The following WBP11 variants were observed in gnomAD, a reference collection of about 807,000 sequenced individuals.
The protein encoded by WBP11 is WW domain-binding protein 11.
WBP11 carries 12 observed loss-of-function variants against 66.7 expected under a neutral mutation model. That is an observed-to-expected ratio of 0.18 (90% CI 0.12 to 0.29). The LOEUF is 0.29. Among genes scored for constraint, WBP11 ranks in the 10% least tolerant of loss-of-function variants. The pLI is 1.00. For missense variants in WBP11, 555 were observed against 818.3 expected, an observed-to-expected ratio of 0.68 and a Z score of 3.93; for synonymous variants, 255 against 273.8, an observed-to-expected ratio of 0.93 and a Z score of 0.68.
chr12:14,787,700 G>A (rs944512544), intron 11 of WBP11, among the ~76,000 whole-genome samples: 7 of 152,256 alleles, frequency 4.6e-5, no homozygotes, highest in African/African-American at 1.7e-4. Context: ...CTATATTCCT[G>A]TACTTACAGT....
chr12:14,800,620 C>T, intron 3 of WBP11, 132 bp downstream of exon 3: 1 of 865,358 alleles, frequency 1.2e-6, no homozygotes, highest in East Asian at 2.8e-5. Context: ...GTATATCTTA[C>T]AGTTTTTATA....
Position 14,797,286 on chromosome 12 carries a change from T to C in WBP11, c.191-283A>G, listed in dbSNP as rs1396166801. On this transcript the variant is annotated intron_variant, in intron 4 of 11. Transcript: ENST00000261167. ...TCACTGCTCTGTGCTGAAAACCTCG[T>C]GAAGATTCTGTCAGATTTGTGTTTA... 1.3e-5 allele frequency among the ~76,000 whole-genome samples: 2 copies of C among 152,216 alleles called. 1 individual carries two copies. Among genetic ancestry groups the C allele is most frequent in the East Asian group, 3.8e-4 (2 of 5,196 alleles).
At chr12:14,802,235 T>C (rs1229059099) in intron 1 of WBP11, among the ~76,000 whole-genome samples, 1 of 152,234 alleles carries the variant, frequency 6.6e-6, no homozygotes, top group African/African-American at 2.4e-5. Flanking sequence ...ACATGACTTC[T>C]TCCTCTTATT....
chr12:14,790,422 A>C, intron 10 of WBP11, 34 bp downstream of exon 10: 2 of 1,602,022 alleles, frequency 1.2e-6, no homozygotes, highest in Non-Finnish European at 1.7e-6. Context: ...TTCTAACCTC[A>C]TTTAAACTTT....
Position 14,794,588 on chromosome 12 carries a change from C to A in WBP11, c.670G>T (p.Asp224Tyr). Reference sequence around the variant, plus strand: ...TCATCTCGCCTACGAGGGGGAAGATCTAGGGCAAAACCCACTTTACGGCCA... The same window carrying A: ...TCATCTCGCCTACGAGGGGGAAGATATAGGGCAAAACCCACTTTACGGCCA... ...MYGRKVGFAL[D>Y]LPPRRRDEDM... is the part of the protein sequence containing the mutation. The change falls in exon 7 of 12, where the codon GAT (aspartate) becomes TAT (tyrosine). Residue 224 changes from aspartate to tyrosine, a missense_variant. Asp to Tyr is a radical substitution (Grantham distance 160). Around this residue, in one of 6 missense-constraint regions of WBP11, gnomAD observed 220 missense variants for 268.2 expected, o/e 0.82. Transcript: ENST00000261167. 1 of 1,614,036 alleles carries A rather than the reference C, an allele frequency of 6.2e-7. No homozygotes were observed. Among genetic ancestry groups the A allele is most frequent in the Non-Finnish European group, 8.5e-7 (1 of 1,180,004 alleles).
In WBP11 at chr12:14,787,111, T is replaced by C; in HGVS notation, c.1880A>G (p.Asp627Gly). Residue 627 changes from aspartate (D) to glycine (G), a missense_variant, in exon 12 of 12, where the codon GAT becomes GGT. This residue lies in a region of WBP11 where 50 missense variants were observed against 68.3 expected (regional missense o/e 0.73). Coordinates refer to ENST00000261167, the MANE Select transcript of WBP11 (RefSeq NM_016312.3). ...PSVPVSVQTK[D>G]DVYEAFMKEM... is the part of the protein sequence containing the mutation. ...TTTCATGAAAGCCTCATAGACATCA[T>C]CCTTAGTTTGTACTGAGACAGGAAC... 6.2e-7 allele frequency: 1 copy of C among 1,613,690 alleles called. No homozygotes were observed.
At position 14,793,810 on chromosome 12, in the gene WBP11, T is replaced by A; in HGVS notation, c.834A>T (p.Lys278Asn). The change falls in exon 8 of 12, where the codon AAA (lysine) becomes AAT (asparagine). Residue 278 changes from lysine (K) to asparagine (N), a missense_variant. By Grantham distance (94) the Lys-to-Asn change is moderately conservative. Coordinates refer to ENST00000261167, the MANE Select transcript of WBP11 (RefSeq NM_016312.3). ...CATCCCCGTCACTTTCTCCATCTGA[T>A]TTGTCGGTGTCACTGTCATCAGTAC... ...DDSTDDSDTD[K>N]SDGESDGDEF... is the part of the protein sequence containing the mutation. The A allele has an allele frequency of 6.2e-7, 1 of 1,614,128 alleles. No homozygotes were observed.
At position 14,787,172 on chromosome 12, in the gene WBP11, G is replaced by A. The variant is rs1565670714; in HGVS notation, c.1819C>T (p.Pro607Ser). ...QRKSEDDSAV[P>S]LAKAAPKSGP... ...GATTTGGGTGCTGCTTTGGCAAGAG[G>A]CACAGCAGAATCATCCTCTGACTTT... Residue 607 changes from proline to serine, a missense_variant, in exon 12 of 12, where the codon CCT becomes TCT. Physicochemically the swap from Pro to Ser is moderately conservative, Grantham distance 74 (BLOSUM62 -1). This residue lies in a region of WBP11 where 50 missense variants were observed against 68.3 expected (regional missense o/e 0.73). Transcript: ENST00000261167. 2.5e-6 allele frequency: 4 copies of A among 1,613,834 alleles called. No individual in the cohort carries two copies. The highest frequency in any genetic ancestry group is 2.5e-6 in the Non-Finnish European group (3 of 1,180,030).
At position 14,786,908 on chromosome 12, in the gene WBP11, G is replaced by C; in HGVS notation, c.*157C>G. 2 of 773,644 alleles carry C rather than the reference G, an allele frequency of 2.6e-6. No homozygotes were observed. The highest frequency in any genetic ancestry group is 4.0e-6 in the Non-Finnish European group (2 of 497,764). The allele number at this position is 773,644 out of a possible 1,614,324, so 47.9% of individuals were successfully genotyped here. A position where few individuals can be genotyped will look rare whatever the true frequency, so the allele number is the denominator to read the frequency against. ...GATGAAATACCCTTTTTTATGTGCA[G>C]TAAATTCTGAACAAGGCTAAATTTT... On this transcript the variant is annotated 3_prime_UTR_variant, in exon 12 of 12. Coordinates refer to ENST00000261167, the MANE Select transcript of WBP11 (RefSeq NM_016312.3).
intron 5 of WBP11, among the ~76,000 whole-genome samples, chr12:14,795,712 A>G (rs996102577): frequency 2.6e-5 from 4 of 152,240 alleles, no homozygotes. Context: ...CTTGGGCAAC[A>G]GAGTGAGACT....
At chr12:14,801,722 A>AT (rs1949966029) in intron 1 of WBP11, among the ~76,000 whole-genome samples, 1 of 152,230 alleles carries the variant, frequency 6.6e-6, no homozygotes, top group African/African-American at 2.4e-5. Context: ...TTGTCAACTG[A>AT]TAAAAACAAC....
chr12:14,797,445 C>T (rs761607245), intron 4 of WBP11, among the ~76,000 whole-genome samples: 2 of 152,292 alleles, frequency 1.3e-5, no homozygotes, highest in East Asian at 1.9e-4. Flanking sequence ...AATGGGATTA[C>T]AAATAAAATA....
At chr12:14,802,095 GAC>G (rs1034287160) in intron 1 of WBP11, 1 of 152,090 alleles carries the variant, frequency 6.6e-6, no homozygotes, top group Non-Finnish European at 1.5e-5. Context: ...TAAATATTAA[GAC>G]ACATATTTTT....
rs1484231707 is a variant in WBP11 at position 14,790,629 on chromosome 12, T to C, written c.1136A>G (p.His379Arg). Residue 379 changes from histidine (H) to arginine (R), a missense_variant, in exon 10 of 12, where the codon CAT (histidine) becomes CGT (arginine). Transcript: ENST00000261167. Reference protein sequence around the residue: ...QSQKQHKEESHSDGTSTASSQ... With the variant: ...QSQKQHKEESRSDGTSTASSQ... ...AGAAGCAGTGGATGTGCCATCAGAA[T>C]GGGATTCCTCTTTATGCTGCTTTTG... 6.2e-7 allele frequency: 1 copy of C among 1,614,002 alleles called. No individual in the cohort carries two copies. The highest frequency in any genetic ancestry group is 1.3e-5 in the African/African-American group (1 of 74,920).
chr12:14,797,101 T>A (rs1949902450), intron 4 of WBP11, 98 bp from the exon 5 acceptor site: 3 of 937,918 alleles, frequency 3.2e-6, no homozygotes, highest in Non-Finnish European at 4.5e-6. Context: ...TGCTAAAAAA[T>A]TTTTAAGAGA....
Position 14,786,024 on chromosome 12 carries a change from AAATT to A in WBP11, c.*1037_*1040del, listed in dbSNP as rs1347969340. 1 of 152,246 alleles carries A rather than the reference AAATT, an allele frequency of 6.6e-6. No individual in the cohort carries two copies. Among genetic ancestry groups the A allele is most frequent in the East Asian group, 1.9e-4 (1 of 5,202 alleles). The allele number at this position is 152,246 out of a possible 1,614,324, so 9.4% of individuals were successfully genotyped here. On this transcript the variant is annotated 3_prime_UTR_variant, in exon 12 of 12. Transcript: ENST00000261167. ...TTTGTAAAGAAAATGGTATAAATGC[AAATT>A]AATGTTAAGCACTCTTATTCATTCA... is the stretch of plus-strand genomic sequence containing the variant.
At chr12:14,800,620 C>G in intron 3 of WBP11, 132 bp downstream of exon 3, 1 of 865,358 alleles carries the variant, frequency 1.2e-6, no homozygotes, top group Non-Finnish European at 1.8e-6. Flanking sequence ...GTATATCTTA[C>G]AGTTTTTATA....
intron 9 of WBP11, 85 bp from the exon 10 acceptor site, chr12:14,790,834 A>C: frequency 7.8e-7 from 1 of 1,289,954 alleles, no homozygotes; most frequent in East Asian, 2.3e-5. Context: ...ACACATGGTT[A>C]ATAAATGTGT....
At chr12:14,789,754 G>T (rs1592215998) in intron 10 of WBP11, among the ~76,000 whole-genome samples, 1 of 152,254 alleles carries the variant, frequency 6.6e-6, no homozygotes, top group South Asian at 2.1e-4. Flanking sequence ...AGCTGAAAAT[G>T]GAATATAAAA....
Sources: gnomAD v4.1 joint callset for allele counts (sites outside exome capture counted in the v4.1 genomes callset) on GRCh38, gnomAD v4.1.1 for gene constraint, gnomAD v4.1.1 regional missense constraint, MANE v1.5 for transcripts, NCBI Gene and HGNC (gene_info 2026-07-23, HGNC 2026-07-21) for gene names.